The following ZDHHC14 variants were observed in gnomAD, a reference collection of about 807,000 sequenced individuals.
ZDHHC14 encodes the protein zDHHC palmitoyltransferase 14, also known as palmitoyltransferase ZDHHC14.
Under a neutral mutation model 47.7 loss-of-function variants are expected in ZDHHC14, and 16 were observed. The ratio of observed to expected loss-of-function variants is 0.34; its 90% confidence interval spans 0.23 to 0.51. The LOEUF (loss-of-function observed/expected upper bound fraction) is 0.51. ZDHHC14 is among the 20% of genes least tolerant of loss of function. ZDHHC14 has a pLI of 0.97. For missense variants in ZDHHC14, 515 were observed against 662.5 expected, an observed-to-expected ratio of 0.78 and a Z score of 2.44; for synonymous variants, 293 against 278.9, an observed-to-expected ratio of 1.05 and a Z score of -0.50.
Position 157,395,265 on chromosome 6 carries a change from A to G in ZDHHC14, c.245+12999A>G, listed in dbSNP as rs1169118200. On this transcript the variant is annotated intron_variant, in intron 1 of 8. Transcript: ENST00000359775. ...AGCCGTGACCTGCTGGGCTCAAGCA[A>G]TCCTCCCACCTCAGCCTCTGGAGTA... Among the ~76,000 whole-genome samples the G allele has an allele frequency of 4.0e-5, 6 of 151,340 alleles. No homozygotes were observed. In the East Asian group the frequency reaches 7.7e-4, roughly 19 times the overall value.
chr6:157,473,018 T>C (rs758130285), intron 1 of ZDHHC14, among the ~76,000 whole-genome samples: 2 of 152,232 alleles, frequency 1.3e-5, no homozygotes, highest in Non-Finnish European at 2.9e-5. Context: ...CTGTGATTCA[T>C]TTTAAGAGTA....
rs907030918 is a variant in ZDHHC14 at position 157,595,583 on chromosome 6, C to G, written c.565+2437C>G. 2.6e-5 allele frequency among the ~76,000 whole-genome samples: 4 copies of G among 152,190 alleles called. No individual in the cohort carries two copies. In the East Asian group the frequency reaches 7.7e-4, roughly 29 times the overall value. Reference sequence around the variant, plus strand: ...CCTTTTGGATTATTATCAGACACTGCTCTGAAAGTTCATATAATCACATTT... The same window carrying G: ...CCTTTTGGATTATTATCAGACACTGGTCTGAAAGTTCATATAATCACATTT... On this transcript the variant is annotated intron_variant, in intron 3 of 8. Transcript: ENST00000359775.
At chr6:157,398,846 T>C (rs896875322) in intron 1 of ZDHHC14, among the ~76,000 whole-genome samples, 5 of 152,258 alleles carry the variant, frequency 3.3e-5, no homozygotes, top group African/African-American at 4.8e-5. Flanking sequence ...CACTGACCAG[T>C]ACAAGAGAAG....
intron 2 of ZDHHC14, among the ~76,000 whole-genome samples, chr6:157,545,074 T>C (rs1781918930): frequency 6.6e-6 from 1 of 152,198 alleles, no homozygotes; most frequent in South Asian, 2.1e-4. Flanking sequence ...TTAAAGACAT[T>C]TGCTAAGGGA....
At chr6:157,602,562 C>G (rs1003786122) in intron 3 of ZDHHC14, among the ~76,000 whole-genome samples, 1 of 151,788 alleles carries the variant, frequency 6.6e-6, no homozygotes, top group Non-Finnish European at 1.5e-5. Context: ...CGCAGATTCC[C>G]CAGTTTGTCC....
intron 1 of ZDHHC14, among the ~76,000 whole-genome samples, chr6:157,539,052 G>T (rs1024248801): frequency 2.0e-5 from 3 of 152,100 alleles, no homozygotes; most frequent in African/African-American, 7.2e-5. Flanking sequence ...AGACACGTGT[G>T]ATTGGAGCTG....
At chr6:157,579,191 T>G (rs1459637844) in intron 2 of ZDHHC14, among the ~76,000 whole-genome samples, 71 of 47,168 alleles carry the variant, frequency 1.5e-3, no homozygotes, top group African/African-American at 0.01. Flanking sequence ...TGATTCTGTG[T>G]TTTTTTTTTT....
intron 8 of ZDHHC14, among the ~76,000 whole-genome samples, chr6:157,659,974 G>A (rs1223374054): frequency 1.3e-5 from 2 of 152,108 alleles, no homozygotes; most frequent in Non-Finnish European, 2.9e-5. Flanking sequence ...TGGATAGGTG[G>A]GTCTCTGCTG....
chr6:157,447,105 G>A (rs556580142), intron 1 of ZDHHC14, among the ~76,000 whole-genome samples: 2 of 151,790 alleles, frequency 1.3e-5, no homozygotes, highest in South Asian at 2.1e-4. Context: ...ATGATGTGAT[G>A]AGATTCCATA....
intron 3 of ZDHHC14, among the ~76,000 whole-genome samples, chr6:157,620,142 G>T (rs1024944047): frequency 6.6e-6 from 1 of 152,178 alleles, no homozygotes; most frequent in African/African-American, 2.4e-5. Context: ...AAAGAAAAGG[G>T]ATTTATTTCT....
intron 1 of ZDHHC14, among the ~76,000 whole-genome samples, chr6:157,443,816 T>G (rs1355109719): frequency 6.6e-6 from 1 of 152,198 alleles, no homozygotes. Context: ...GGGTAGTGCC[T>G]TACCTTCTCT....
At chr6:157,387,758 T>A (rs1189775486) in intron 1 of ZDHHC14, among the ~76,000 whole-genome samples, 2 of 152,236 alleles carry the variant, frequency 1.3e-5, no homozygotes, top group Non-Finnish European at 2.9e-5. Context: ...TGTTCACTGC[T>A]GTATCCCCAG....
chr6:157,531,955 G>A (rs965539835), intron 1 of ZDHHC14, among the ~76,000 whole-genome samples: 3 of 152,280 alleles, frequency 2.0e-5, no homozygotes, highest in African/African-American at 7.2e-5. Context: ...GGGCGTGGGG[G>A]TGCCAGCTCC....
chr6:157,656,344 C>CTTTTT (rs139902125), intron 8 of ZDHHC14, among the ~76,000 whole-genome samples: 31,805 of 149,884 alleles, frequency 0.21, 4,129 homozygotes, highest in East Asian at 0.52. Context: ...CTTTTCTTTT[C>CTTTTT]TTTTTTTTGA....
chr6:157,412,763 A>G (rs1469097943), intron 1 of ZDHHC14, among the ~76,000 whole-genome samples: 1 of 152,242 alleles, frequency 6.6e-6, no homozygotes, highest in Non-Finnish European at 1.5e-5. Flanking sequence ...ACGTAGGTGC[A>G]CGCCCACGTC....
intron 2 of ZDHHC14, among the ~76,000 whole-genome samples, chr6:157,560,914 AG>A (rs1275585700): frequency 6.6e-6 from 1 of 152,258 alleles, no homozygotes; most frequent in East Asian, 1.9e-4. Flanking sequence ...CAACATTATG[AG>A]GCGTGGCGTG....
At chr6:157,444,007 T>C (rs768561744) in intron 1 of ZDHHC14, among the ~76,000 whole-genome samples, 15 of 152,252 alleles carry the variant, frequency 9.9e-5, no homozygotes, top group Admixed American at 5.2e-4. Context: ...ATTTAATAAA[T>C]GTTCTATGTG....
At chr6:157,646,229 C>A (rs548999013) in intron 6 of ZDHHC14, 1 of 162,244 alleles carries the variant, frequency 6.2e-6, no homozygotes, top group South Asian at 1.9e-4. Flanking sequence ...TTTAATGTCT[C>A]TGTGGGAGGA....
At position 157,673,219 on chromosome 6, in the gene ZDHHC14, C is replaced by A; in HGVS notation, c.*97C>A. 1 of 1,430,076 alleles carries A rather than the reference C, an allele frequency of 7.0e-7. No homozygotes were observed. Among genetic ancestry groups the A allele is most frequent in the Admixed American group, 3.0e-5 (1 of 33,842 alleles). The allele number at this position is 1,430,076 out of a possible 1,614,324, so 88.6% of individuals were successfully genotyped here. On this transcript the variant is annotated 3_prime_UTR_variant, in exon 9 of 9. Coordinates refer to ENST00000359775, the MANE Select transcript of ZDHHC14 (RefSeq NM_024630.3). This position sits in a 1 kb window ranked among gnomAD's most constrained non-coding sequence, Gnocchi z 5.4. ...CCCACAGCGACTTTCCCAGCCAATGCCACGGTGGAGATGACAGCCCCAGGT... is the reference window on the plus strand; with the variant it reads ...CCCACAGCGACTTTCCCAGCCAATGACACGGTGGAGATGACAGCCCCAGGT...
Sources: allele counts gnomAD v4.1 joint callset (sites outside exome capture counted in the v4.1 genomes callset), GRCh38; gene constraint gnomAD v4.1.1; non-coding constraint Gnocchi (gnomAD v3.1); transcripts MANE v1.5; gene names NCBI Gene and HGNC (gene_info 2026-07-23, HGNC 2026-07-21).